Variants in SERTAD4 observed in about 807,000 individuals in gnomAD.
SERTAD4 encodes SERTA domain containing 4, also known as SERTA domain-containing protein 4.
SERTAD4 carries 18 observed loss-of-function variants against 32.9 expected under a neutral mutation model. The observed-to-expected ratio is 0.55, with a 90% CI of 0.38 to 0.81. The LOEUF (loss-of-function observed/expected upper bound fraction) is 0.81. SERTAD4 is among the 30% of genes least tolerant of loss of function. The pLI, the probability that SERTAD4 is intolerant of heterozygous loss-of-function variation, is 0.00. For missense variants in SERTAD4, 383 were observed against 426.0 expected (o/e 0.90, Z 0.89); for synonymous variants, 150 against 156.4 (o/e 0.96, Z 0.30).
In SERTAD4 at chr1:210,242,023, A is replaced by G. The variant is rs747959806; in HGVS notation, c.757A>G (p.Ile253Val). The G allele has an allele frequency of 7.4e-6, 12 of 1,613,968 alleles. No individual in the cohort carries two copies. The highest frequency in any genetic ancestry group is 1.7e-5 in the Admixed American group (1 of 59,980). Reference protein sequence around the residue: ...QVDFDVGSASIYKSDGQIPAN... With the variant: ...QVDFDVGSASVYKSDGQIPAN... ...GGATTTTGATGTAGGTAGTGCATCT[A>G]TTTACAAGAGTGATGGCCAGATACC... is the stretch of plus-strand genomic sequence containing the variant. The change falls in exon 4 of 4, where the codon ATT becomes GTT. Residue 253 changes from isoleucine (I) to valine (V), a missense_variant. By Grantham distance (29) the Ile-to-Val change is conservative. Coordinates refer to ENST00000367012, the MANE Select transcript of SERTAD4 (RefSeq NM_019605.5). The surrounding 1 kb of genome is among the most constrained non-coding windows in gnomAD (Gnocchi z 4.0).
Position 210,242,929 on chromosome 1 carries a change from G to C in SERTAD4, c.*592G>C. 1 of 985,852 alleles carries C rather than the reference G, an allele frequency of 1.0e-6. No homozygotes were observed. Among genetic ancestry groups the C allele is most frequent in the Non-Finnish European group, 1.2e-6 (1 of 830,016 alleles). The allele number at this position is 985,852 out of a possible 1,614,324, so 61.1% of individuals were successfully genotyped here. Reference sequence around the variant, plus strand: ...GGGCGGCAATCAACAGTCTTACACAGAGAGGGTATTCCCTGCAAGTTTCTG... The same window carrying C: ...GGGCGGCAATCAACAGTCTTACACACAGAGGGTATTCCCTGCAAGTTTCTG... On this transcript the variant is annotated 3_prime_UTR_variant, in exon 4 of 4. Transcript: ENST00000367012. The surrounding 1 kb of genome is among the most constrained non-coding windows in gnomAD (Gnocchi z 4.0).
At chr1:210,233,802 T>C in intron 1 of SERTAD4, 1 of 469,894 alleles carries the variant, frequency 2.1e-6, no homozygotes, top group South Asian at 1.6e-5. Flanking sequence ...CGCAGGGCGC[T>C]CCCGCAACCG....
chr1:210,237,804 A>G lies in SERTAD4; in HGVS notation c.-17-140A>G. ...CTGAGGTTTTCTTTGAAAAAATAAT[A>G]AAATGTTTCAGGGTAAAGGGGAGGG... On this transcript the variant is annotated intron_variant, in intron 1 of 3. Transcript: ENST00000367012. The G allele has an allele frequency of 1.1e-5, 7 of 632,680 alleles. No homozygotes were observed. In the South Asian group the frequency reaches 1.4e-4, roughly 13 times the overall value. The allele number at this position is 632,680 out of a possible 1,614,324, so 39.2% of individuals were successfully genotyped here. A position where few individuals can be genotyped will look rare whatever the true frequency, so the allele number is the denominator to read the frequency against.
intron 1 of SERTAD4, 35 bp from the exon 2 acceptor site, chr1:210,237,906 GTTT>G (rs1418764766): frequency 6.4e-7 from 1 of 1,558,452 alleles, no homozygotes; most frequent in East Asian, 2.2e-5. Flanking sequence ...GATTAGGGCT[GTTT>G]TCTTCATTCT....
Position 210,244,341 on chromosome 1 carries a change from G to T in SERTAD4, c.*2004G>T, listed in dbSNP as rs1206186428. ...TAATAGATGATGTGGTGATCAATAA[G>T]GTTATGTCTGAAAGAATGTAAAGAT... is the stretch of plus-strand genomic sequence containing the variant. On this transcript the variant is annotated 3_prime_UTR_variant, in exon 4 of 4. Transcript: ENST00000367012. 1.3e-5 allele frequency: 2 copies of T among 152,196 alleles called. No homozygotes were observed. Among genetic ancestry groups the T allele is most frequent in the African/African-American group, 2.4e-5 (1 of 41,446 alleles). The allele number at this position is 152,196 out of a possible 1,614,324, so 9.4% of individuals were successfully genotyped here. A position where few individuals can be genotyped will look rare whatever the true frequency, so the allele number is the denominator to read the frequency against.
chr1:210,243,093 CAA>C lies in SERTAD4; in HGVS notation c.*777_*778del, dbSNP rs57426441. ...TACAGCAGGGATTTAACAAACAGGA[CAA>C]AAAAAAAAAAAAAAAAAAAACCACA... On this transcript the variant is annotated 3_prime_UTR_variant, in exon 4 of 4. Transcript: ENST00000367012. 5.7e-3 allele frequency: 2,787 copies of C among 485,322 alleles called. No individual in the cohort carries two copies. The highest frequency in any genetic ancestry group is 0.012 in the African/African-American group (382 of 32,004). The allele number at this position is 485,322 out of a possible 1,614,324, so 30.1% of individuals were successfully genotyped here.
chr1:210,241,396 C>T (rs1385774129), intron 3 of SERTAD4, among the ~76,000 whole-genome samples, 162 bp from the exon 4 acceptor site: 1 of 152,100 alleles, frequency 6.6e-6, no homozygotes, highest in East Asian at 1.9e-4. Context: ...GGGGGACAGC[C>T]TCTCTAAATT....
rs1427427801 is a variant in SERTAD4 at position 210,243,834 on chromosome 1, C to CT, written c.*1504dup. 6.6e-6 allele frequency: 1 copy of CT among 152,050 alleles called. No individual in the cohort carries two copies. The highest frequency in any genetic ancestry group is 2.4e-5 in the African/African-American group (1 of 41,400). The allele number at this position is 152,050 out of a possible 1,614,324, so 9.4% of individuals were successfully genotyped here. Reference sequence around the variant, plus strand: ...CCCTCCCAGTTTCTCCAAGATAAAGCTTTTTTTATTATTGCTATTAATATT... The same window carrying CT: ...CCCTCCCAGTTTCTCCAAGATAAAGCTTTTTTTTATTATTGCTATTAATATT... On this transcript the variant is annotated 3_prime_UTR_variant, in exon 4 of 4. Coordinates refer to ENST00000367012, the MANE Select transcript of SERTAD4 (RefSeq NM_019605.5).
Position 210,238,100 on chromosome 1 carries a change from T to C in SERTAD4, c.140T>C (p.Leu47Ser). Reference protein sequence around the residue: ...PSPPGPAQAPLQGDRGAGPPL... With the variant: ...PSPPGPAQAPSQGDRGAGPPL... Reference sequence around the variant, plus strand: ...CCCCCAGGGCCAGCACAAGCTCCTTTGCAGGGAGACCGGGGAGCTGGTCCC... The same window carrying C: ...CCCCCAGGGCCAGCACAAGCTCCTTCGCAGGGAGACCGGGGAGCTGGTCCC... The change falls in exon 2 of 4, where the codon TTG becomes TCG. Residue 47 changes from leucine to serine, a missense_variant. Coordinates refer to ENST00000367012, the MANE Select transcript of SERTAD4 (RefSeq NM_019605.5). 6.2e-7 allele frequency: 1 copy of C among 1,612,342 alleles called. No individual in the cohort carries two copies. Among genetic ancestry groups the C allele is most frequent in the East Asian group, 2.2e-5 (1 of 44,870 alleles).
intron 3 of SERTAD4, among the ~76,000 whole-genome samples, chr1:210,239,903 C>T (rs2083978312): frequency 6.6e-6 from 1 of 152,136 alleles, no homozygotes; most frequent in Non-Finnish European, 1.5e-5. Context: ...GGTTATGGTT[C>T]TTCCACACTT....
intron 1 of SERTAD4, chr1:210,234,030 T>C (rs542693767): frequency 8.9e-6 from 3 of 336,844 alleles, no homozygotes; most frequent in South Asian, 4.7e-5. Context: ...AGAATAATAA[T>C]AGCTCTTATT....
rs138093906 is a variant in SERTAD4, at chr1:210,241,790, G to A, written c.524G>A (p.Arg175Gln). The A allele has an allele frequency of 2.3e-3, 3,742 of 1,613,998 alleles. 15 individuals carry two copies. The highest frequency in any genetic ancestry group is 0.014 in the Middle Eastern group (82 of 6,062). The change falls in exon 4 of 4, where the codon CGA becomes CAA. Residue 175 changes from arginine to glutamine, a missense_variant. Arg to Gln is a conservative substitution (Grantham distance 43, BLOSUM62 1). Coordinates refer to ENST00000367012, the MANE Select transcript of SERTAD4 (RefSeq NM_019605.5). ...FMAQDCPYRK[R>Q]PRMAKEECEK... is the part of the protein sequence containing the mutation. ...GCTCAAGACTGCCCTTACCGAAAAC[G>A]ACCACGGATGGCCAAAGAGGAATGT...
chr1:210,241,447 A>G lies in SERTAD4; in HGVS notation c.292-111A>G, dbSNP rs11806862. On this transcript the variant is annotated intron_variant, in intron 3 of 3. Transcript: ENST00000367012. ...GACCACAACATGCCCAGACCCAGACAGTGCCAAGAAAGAAGTATGCTATGA... is the reference window on the plus strand; with the variant it reads ...GACCACAACATGCCCAGACCCAGACGGTGCCAAGAAAGAAGTATGCTATGA... The G allele has an allele frequency of 8.7e-3, 9,617 of 1,105,484 alleles. 520 individuals carry two copies. In the African/African-American group the frequency reaches 0.12, roughly 14 times the overall value. The allele number at this position is 1,105,484 out of a possible 1,614,324, so 68.5% of individuals were successfully genotyped here.
chr1:210,243,015 CCTTA>C lies in SERTAD4; in HGVS notation c.*682_*685del, dbSNP rs2084014139. 1.0e-6 allele frequency: 1 copy of C among 976,128 alleles called. No homozygotes were observed. The highest frequency in any genetic ancestry group is 1.8e-5 in the African/African-American group (1 of 54,234). 60.5% of individuals were successfully genotyped at this position (976,128 alleles called of 1,614,324 possible). ...GTGTTATACAGGGCGATTTTTGGTG[CCTTA>C]CTTTTATCTTAATTTTTGCCAATGT... is the stretch of plus-strand genomic sequence containing the variant. On this transcript the variant is annotated 3_prime_UTR_variant, in exon 4 of 4. Coordinates refer to ENST00000367012, the MANE Select transcript of SERTAD4 (RefSeq NM_019605.5).
intron 2 of SERTAD4, 39 bp downstream of exon 2, chr1:210,238,174 G>T (rs375758610): frequency 1.7e-6 from 2 of 1,210,798 alleles, no homozygotes; most frequent in South Asian, 2.9e-5. Context: ...CCCACCCCTC[G>T]CTGCCCTTTG....
At position 210,245,907 on chromosome 1, in the gene SERTAD4, T is replaced by C. The variant is rs1008843365; in HGVS notation, c.*3570T>C. The C allele has an allele frequency of 2.0e-6, 2 of 985,290 alleles. No individual in the cohort carries two copies. The highest frequency in any genetic ancestry group is 1.7e-5 in the African/African-American group (1 of 57,240). 61.0% of individuals were successfully genotyped at this position (985,290 alleles called of 1,614,324 possible). A position where few individuals can be genotyped will look rare whatever the true frequency, so the allele number is the denominator to read the frequency against. On this transcript the variant is annotated 3_prime_UTR_variant, in exon 4 of 4. Coordinates refer to ENST00000367012, the MANE Select transcript of SERTAD4 (RefSeq NM_019605.5). The stretch of plus-strand genomic sequence containing the variant: ...GATTCCTATGTGATGCAGCTAGGTT[T>C]TTATATCCTTCTAACAAATGGTGAG...
At chr1:210,234,968 A>C (rs1244112088) in intron 1 of SERTAD4, among the ~76,000 whole-genome samples, 2 of 152,188 alleles carry the variant, frequency 1.3e-5, no homozygotes, top group Non-Finnish European at 2.9e-5. Flanking sequence ...TCTTCTGGGG[A>C]TGCTGGAAGT....
intron 1 of SERTAD4, among the ~76,000 whole-genome samples, chr1:210,235,427 C>T (rs911604162): frequency 2.0e-5 from 3 of 152,162 alleles, no homozygotes; most frequent in Non-Finnish European, 2.9e-5. Context: ...CCTCCCCGCT[C>T]CCAAATAATC....
At position 210,245,449 on chromosome 1, in the gene SERTAD4, TC is replaced by T. The variant is rs2084039577; in HGVS notation, c.*3113del. ...TTTTCAAAGGGCAAAAGTCTCATCA[TC>T]ATCTTTCCACTCAAAATCCTATTAT... On this transcript the variant is annotated 3_prime_UTR_variant, in exon 4 of 4. Transcript: ENST00000367012. 1 of 152,198 alleles carries T rather than the reference TC, an allele frequency of 6.6e-6. No individual in the cohort carries two copies. Among genetic ancestry groups the T allele is most frequent in the African/African-American group, 2.4e-5 (1 of 41,446 alleles). 9.4% of individuals were successfully genotyped at this position (152,198 alleles called of 1,614,324 possible). A position where few individuals can be genotyped will look rare whatever the true frequency, so the allele number is the denominator to read the frequency against.
Sources: allele counts gnomAD v4.1 joint callset (sites outside exome capture counted in the v4.1 genomes callset), GRCh38; gene constraint gnomAD v4.1.1; non-coding constraint Gnocchi (gnomAD v3.1); transcripts MANE v1.5; gene names NCBI Gene and HGNC (gene_info 2026-07-23, HGNC 2026-07-21).